APBB2: variants seen among roughly 807,000 people sequenced by gnomAD.
The protein encoded by APBB2 is amyloid beta precursor protein binding family B member 2.
A neutral mutation model predicts 82.5 loss-of-function variants in APBB2; 38 were observed. The observed-to-expected ratio is 0.46, with a 90% CI of 0.36 to 0.60. The LOEUF (loss-of-function observed/expected upper bound fraction) is 0.60, where lower values mean the gene tolerates loss of function less well. Among genes scored for constraint, APBB2 ranks in the 20% least tolerant of loss-of-function variants. The probability of loss-of-function intolerance (pLI) is 0.00; values close to 1 mark genes in which losing one functional copy is unlikely to be tolerated. For synonymous variants in APBB2, 341 were observed against 368.2 expected, an observed-to-expected ratio of 0.93 and a Z score of 0.85; for missense variants, 772 against 972.3, an observed-to-expected ratio of 0.79 and a Z score of 2.74.
At chr4:40,935,734 A>C (rs1785225773) in intron 7 of APBB2, 1 of 152,234 alleles carries the variant, frequency 6.6e-6, no homozygotes. Context: ...AGTCTAACAT[A>C]AATTTCTCTA....
At chr4:40,952,704 T>C (rs1395117344) in intron 6 of APBB2, among the ~76,000 whole-genome samples, 1 of 152,238 alleles carries the variant, frequency 6.6e-6, no homozygotes, top group Non-Finnish European at 1.5e-5. Context: ...CTGCATTTAA[T>C]GCTCACATCA....
At chr4:40,995,548 AT>A (rs58607232) in intron 6 of APBB2, among the ~76,000 whole-genome samples, 3,454 of 142,432 alleles carry the variant, frequency 0.024, 79 homozygotes, top group African/African-American at 0.067. Context: ...AAAAAAAAAA[AT>A]TTTTTTTTTT....
At chr4:40,941,350 A>G (rs1226998264) in intron 7 of APBB2, among the ~76,000 whole-genome samples, 1 of 152,192 alleles carries the variant, frequency 6.6e-6, no homozygotes, top group East Asian at 1.9e-4. Context: ...TGAGACAATG[A>G]TATTAAGAAA....
chr4:40,928,820 G>A lies in APBB2; in HGVS notation c.1254+5636C>T, dbSNP rs368238123. ...GAGTCACTTGAACCCAGAAGGCGGC[G>A]GTTGCAGTGAGCCGAGATCGCACCA... On this transcript the variant is annotated intron_variant, in intron 10 of 17. Transcript: ENST00000508593. Among the ~76,000 whole-genome samples, 72 of 151,232 alleles carry A rather than the reference G, an allele frequency of 4.8e-4. 1 individual carries two copies. The highest frequency in any genetic ancestry group is 6.8e-3 in the Middle Eastern group (2 of 294).
chr4:41,108,229 TA>T (rs1303614486), intron 2 of APBB2, among the ~76,000 whole-genome samples: 2 of 152,104 alleles, frequency 1.3e-5, no homozygotes, highest in Non-Finnish European at 2.9e-5. Flanking sequence ...TCACAACCTA[TA>T]AAAACTAGTA....
At position 40,832,846 on chromosome 4, in the gene APBB2, A is replaced by C. The variant is rs181120071; in HGVS notation, c.1530-2269T>G. Among the ~76,000 whole-genome samples, 36 of 152,292 alleles carry C rather than the reference A, an allele frequency of 2.4e-4. No individual in the cohort carries two copies. The highest frequency in any genetic ancestry group is 8.4e-4 in the African/African-American group (35 of 41,574). On this transcript the variant is annotated intron_variant, in intron 12 of 17. Transcript: ENST00000508593. The surrounding 1 kb of genome is among the most constrained non-coding windows in gnomAD (Gnocchi z 4.8). The stretch of plus-strand genomic sequence containing the variant: ...CAGGCCTGGCGTATCACCGGTACTA[A>C]TACATGTTTGCGGGCTGAGTACAAG...
In APBB2 at chr4:40,815,865, C is replaced by G. The variant is rs927034264; in HGVS notation, c.*227G>C. On this transcript the variant is annotated 3_prime_UTR_variant, in exon 18 of 18. Transcript: ENST00000508593. ...TTTACAATAAGAAAAAGACCTTCCA[C>G]TGCGCATGATGTAACTTACAGCAAA... 4.3e-5 allele frequency: 22 copies of G among 506,976 alleles called. No homozygotes were observed. Among genetic ancestry groups the G allele is most frequent in the Non-Finnish European group, 7.8e-5 (22 of 283,348 alleles). The allele number at this position is 506,976 out of a possible 1,614,324, so 31.4% of individuals were successfully genotyped here. A position where few individuals can be genotyped will look rare whatever the true frequency, so the allele number is the denominator to read the frequency against.
intron 1 of APBB2, among the ~76,000 whole-genome samples, chr4:41,208,247 A>C (rs1273955133): frequency 6.6e-6 from 1 of 151,690 alleles, no homozygotes; most frequent in Non-Finnish European, 1.5e-5. Context: ...TTTTCCTTCT[A>C]CCTCGATTCC....
chr4:40,939,735 C>T (rs576791635), intron 7 of APBB2, among the ~76,000 whole-genome samples: 1 of 152,292 alleles, frequency 6.6e-6, no homozygotes, highest in Middle Eastern at 3.4e-3. Context: ...GCTGGGACTA[C>T]AGGGCATGCA....
chr4:41,064,385 T>C (rs1730976258), intron 4 of APBB2, among the ~76,000 whole-genome samples: 1 of 152,144 alleles, frequency 6.6e-6, no homozygotes, highest in African/African-American at 2.4e-5. Flanking sequence ...GTAATAGGAC[T>C]TAAAGATGAA....
At chr4:41,011,193 T>A (rs991440269) in intron 6 of APBB2, among the ~76,000 whole-genome samples, 1 of 152,046 alleles carries the variant, frequency 6.6e-6, no homozygotes, top group Non-Finnish European at 1.5e-5. Flanking sequence ...TTTTTAAATT[T>A]CTTTTGAGAT....
chr4:40,952,237 T>C (rs991185105), intron 6 of APBB2, among the ~76,000 whole-genome samples: 7 of 148,996 alleles, frequency 4.7e-5, no homozygotes, highest in African/African-American at 7.4e-5. Flanking sequence ...GTGACTTTCA[T>C]AGGAGAAGAA....
chr4:40,992,484 G>A (rs1357511297), intron 6 of APBB2, among the ~76,000 whole-genome samples: 1 of 152,006 alleles, frequency 6.6e-6, no homozygotes, highest in Non-Finnish European at 1.5e-5. Flanking sequence ...GATTGACACA[G>A]CTTTTTAGTT....
At chr4:40,979,276 C>A (rs1021727534) in intron 6 of APBB2, among the ~76,000 whole-genome samples, 18 of 152,144 alleles carry the variant, frequency 1.2e-4, no homozygotes, top group Non-Finnish European at 2.1e-4. Flanking sequence ...GTCCAACATA[C>A]AACAGACAAT....
intron 1 of APBB2, among the ~76,000 whole-genome samples, chr4:41,152,392 C>T (rs901064675): frequency 4.0e-5 from 6 of 151,406 alleles, no homozygotes; most frequent in East Asian, 1.9e-4. Flanking sequence ...GCGCAATCTC[C>T]GCTCACTACA....
chr4:41,094,166 C>A (rs1742725295), intron 3 of APBB2, among the ~76,000 whole-genome samples: 1 of 152,110 alleles, frequency 6.6e-6, no homozygotes, highest in Non-Finnish European at 1.5e-5. Context: ...GCCCAAGGGG[C>A]TCCACATGAG....
chr4:40,988,572 A>C (rs1017083583), intron 6 of APBB2, among the ~76,000 whole-genome samples: 1 of 138,568 alleles, frequency 7.2e-6, no homozygotes, highest in Non-Finnish European at 1.5e-5. Flanking sequence ...CAGGAGGCGG[A>C]GATTGAAGTG....
At chr4:41,116,496 T>A (rs552844181) in intron 2 of APBB2, among the ~76,000 whole-genome samples, 1 of 152,252 alleles carries the variant, frequency 6.6e-6, no homozygotes, top group African/African-American at 2.4e-5. Context: ...CTGGGCATGG[T>A]GGCGGGTGCC....
At chr4:41,051,873 T>C (rs184447561) in intron 4 of APBB2, among the ~76,000 whole-genome samples, 1 of 152,284 alleles carries the variant, frequency 6.6e-6, no homozygotes, top group Non-Finnish European at 1.5e-5. Context: ...GAGTGTCTCT[T>C]TAGGTAAGTC....
Sources: allele counts gnomAD v4.1 joint callset (sites outside exome capture counted in the v4.1 genomes callset), GRCh38; gene constraint gnomAD v4.1.1; non-coding constraint Gnocchi (gnomAD v3.1); transcripts MANE v1.5; gene names NCBI Gene and HGNC (gene_info 2026-07-23, HGNC 2026-07-21).